Variants in LHX3 observed in about 807,000 individuals in gnomAD.
LHX3 encodes LIM homeobox 3, also known as LIM/homeobox protein Lhx3.
A neutral mutation model predicts 32.4 loss-of-function variants in LHX3; 21 were observed. That is an observed-to-expected ratio of 0.65 (90% confidence interval 0.46 to 0.93). The LOEUF is 0.93. Ranked by LOEUF, LHX3 falls within the 40% of genes least tolerant of loss-of-function variation. The pLI is 0.00. For synonymous variants in LHX3, 258 were observed against 246.8 expected, an observed-to-expected ratio of 1.05 and a Z score of -0.43; for missense variants, 626 against 560.0, an observed-to-expected ratio of 1.12 and a Z score of -1.19.
At chr9:136,204,806 C>T (rs552949856) in intron 1 of LHX3, 128 bp downstream of exon 1, 2 of 781,590 alleles carry the variant, frequency 2.6e-6, no homozygotes, top group South Asian at 3.0e-5. Context: ...TCTGCAGTTT[C>T]CATCTCTGTG....
rs1421335174 is a variant in LHX3 at position 136,204,763 on chromosome 9, C to T, written c.79+171G>A. On this transcript the variant is annotated intron_variant, in intron 1 of 5. Transcript: ENST00000371748. Reference sequence around the variant, plus strand: ...CACTCTTGCAGGCCAGCGTCAGGCCCTCCCCGCCACCCTGGGATCTGGAAA... The same window carrying T: ...CACTCTTGCAGGCCAGCGTCAGGCCTTCCCCGCCACCCTGGGATCTGGAAA... Among the ~76,000 whole-genome samples, 3 of 152,234 alleles carry T rather than the reference C, an allele frequency of 2.0e-5. No homozygotes were observed. In the East Asian group the frequency reaches 5.8e-4, roughly 29 times the overall value.
chr9:136,203,621 G>A (rs371688544), intron 1 of LHX3, among the ~76,000 whole-genome samples: 1 of 152,218 alleles, frequency 6.6e-6, no homozygotes, highest in Non-Finnish European at 1.5e-5. Flanking sequence ...GCAAGGTGCC[G>A]GACCGATCCC....
chr9:136,203,220 C>G (rs945613467), intron 1 of LHX3: 1 of 801,740 alleles, frequency 1.2e-6, no homozygotes, highest in Non-Finnish European at 1.5e-6. Flanking sequence ...GGCCGGGGGG[C>G]GGGGCCGCGG....
chr9:136,202,296 G>A (rs1050415397), intron 1 of LHX3, among the ~76,000 whole-genome samples: 3 of 152,124 alleles, frequency 2.0e-5, no homozygotes, highest in Non-Finnish European at 4.4e-5. Context: ...CACTGGCTCC[G>A]GGGCCTCCTT....
Position 136,197,515 on chromosome 9 carries a change from G to C in LHX3, c.1004C>G (p.Ser335Cys), listed in dbSNP as rs765127242. 18 of 1,540,130 alleles carry C rather than the reference G, an allele frequency of 1.2e-5. No individual in the cohort carries two copies. Among genetic ancestry groups the C allele is most frequent in the Non-Finnish European group, 1.6e-5 (18 of 1,140,368 alleles). The change falls in exon 6 of 6, where the codon TCC becomes TGC. Residue 335 changes from serine to cysteine, a missense_variant. Transcript: ENST00000371748. ...QSLPGPQPLL[S>C]SLVYPDTSLG... ...GCTGGTGTCTGGGTACACCAGGCTG[G>C]AGAGGAGGGGCTGGGGGCCAGGGAG...
Position 136,197,171 on chromosome 9 carries a change from G to T in LHX3, c.*154C>A. The T allele has an allele frequency of 1.3e-6, 1 of 799,060 alleles. No homozygotes were observed. Among genetic ancestry groups the T allele is most frequent in the Non-Finnish European group, 2.0e-6 (1 of 492,156 alleles). 49.5% of individuals were successfully genotyped at this position (799,060 alleles called of 1,614,324 possible). The stretch of plus-strand genomic sequence containing the variant: ...GGCCAGGTGGGTCCCTCAGCCCCCA[G>T]AGAGGGAGCTGTGCGGTCGGCAGTG... On this transcript the variant is annotated 3_prime_UTR_variant, in exon 6 of 6. Coordinates refer to ENST00000371748, the MANE Select transcript of LHX3 (RefSeq NM_178138.6).
intron 3 of LHX3, among the ~76,000 whole-genome samples, 178 bp downstream of exon 3, chr9:136,199,500 G>A (rs919133009): frequency 2.6e-5 from 4 of 152,272 alleles, no homozygotes; most frequent in African/African-American, 9.6e-5. Context: ...TTCGGGACGC[G>A]GGTCTGTCCG....
At position 136,198,791 on chromosome 9, in the gene LHX3, C is replaced by T. The variant is rs1831559546; in HGVS notation, c.636G>A (p.Glu212=). 6.2e-7 allele frequency: 1 copy of T among 1,610,024 alleles called. No individual in the cohort carries two copies. Among genetic ancestry groups the T allele is most frequent in the Non-Finnish European group, 8.5e-7 (1 of 1,179,298 alleles). ...GGCCGGCGTCCTTCTTCAGCCTCTT[C>T]TCCTTGGCCCGGCGGTTCTGGAACC... The part of the protein sequence containing the change: ...QVWFQNRRAK[E]KRLKKDAGRQ... The change falls in exon 5 of 6, where the codon GAG becomes GAA. Residue 212 remains glutamate, a synonymous_variant. Transcript: ENST00000371748.
rs539524956 is a variant in LHX3, at chr9:136,199,610, C to T, written c.454+68G>A. On this transcript the variant is annotated intron_variant, in intron 3 of 5. Coordinates refer to ENST00000371748, the MANE Select transcript of LHX3 (RefSeq NM_178138.6). ...GGGAGAGAATTTCCCCGGACGCCCC[C>T]CTGGGCGTGGCCTCAGCCCCATTTT... 3 of 1,538,296 alleles carry T rather than the reference C, an allele frequency of 2.0e-6. No individual in the cohort carries two copies. In the African/African-American group the frequency reaches 4.1e-5, roughly 21 times the overall value.
In LHX3 at chr9:136,196,966, A is replaced by C. The variant is rs982470768; in HGVS notation, c.*359T>G. 4 of 340,292 alleles carry C rather than the reference A, an allele frequency of 1.2e-5. No individual in the cohort carries two copies. The highest frequency in any genetic ancestry group is 2.2e-5 in the Non-Finnish European group (4 of 183,636). The allele number at this position is 340,292 out of a possible 1,614,324, so 21.1% of individuals were successfully genotyped here. A position where few individuals can be genotyped will look rare whatever the true frequency, so the allele number is the denominator to read the frequency against. On this transcript the variant is annotated 3_prime_UTR_variant, in exon 6 of 6. Coordinates refer to ENST00000371748, the MANE Select transcript of LHX3 (RefSeq NM_178138.6). ...ATGATTTCTCAGTTTTAGAGATGAA[A>C]GCGTTTTTCCAGCCCTCGGGCTATG...
intron 1 of LHX3, chr9:136,203,168 C>A (rs888870673): frequency 2.3e-5 from 30 of 1,280,330 alleles, no homozygotes; most frequent in Non-Finnish European, 2.8e-5. Context: ...GCCCGCGGGC[C>A]GCCCTGGGGC....
Position 136,197,242 on chromosome 9 carries a change from T to C in LHX3, c.*83A>G. ...CCCTCCCTTGACGCCCTGGCCCCACTTCCTCGGAAACCCCAGCAGCCCCGA... is the reference window on the plus strand; with the variant it reads ...CCCTCCCTTGACGCCCTGGCCCCACCTCCTCGGAAACCCCAGCAGCCCCGA... On this transcript the variant is annotated 3_prime_UTR_variant, in exon 6 of 6. Coordinates refer to ENST00000371748, the MANE Select transcript of LHX3 (RefSeq NM_178138.6). 1 of 1,471,976 alleles carries C rather than the reference T, an allele frequency of 6.8e-7. No individual in the cohort carries two copies. Among genetic ancestry groups the C allele is most frequent in the Non-Finnish European group, 9.4e-7 (1 of 1,064,918 alleles). 91.2% of individuals were successfully genotyped at this position (1,471,976 alleles called of 1,614,324 possible). A position where few individuals can be genotyped will look rare whatever the true frequency, so the allele number is the denominator to read the frequency against.
rs1831639796 is a variant in LHX3, at chr9:136,201,552, C to A, written c.80-799G>T. ...TTCCAGGTGTCAAGGGCTGAGGACTCCCTCTTCACTTAGAAAAAGTCTCTG... is the reference window on the plus strand; with the variant it reads ...TTCCAGGTGTCAAGGGCTGAGGACTACCTCTTCACTTAGAAAAAGTCTCTG... On this transcript the variant is annotated intron_variant, in intron 1 of 5. Coordinates refer to ENST00000371748, the MANE Select transcript of LHX3 (RefSeq NM_178138.6). 6.4e-6 allele frequency: 7 copies of A among 1,095,652 alleles called. No individual in the cohort carries two copies. The Admixed American group carries it at 3.1e-4, about 48-fold the overall frequency. The allele number at this position is 1,095,652 out of a possible 1,614,324, so 67.9% of individuals were successfully genotyped here. A position where few individuals can be genotyped will look rare whatever the true frequency, so the allele number is the denominator to read the frequency against.
intron 1 of LHX3, chr9:136,203,261 A>C (rs945962959): frequency 2.3e-6 from 1 of 442,058 alleles, no homozygotes; most frequent in African/African-American, 2.1e-5. Context: ...CGCGGAGACC[A>C]GCCCGGGCCA....
intron 5 of LHX3, 97 bp from the exon 6 acceptor site, chr9:136,197,840 G>A: frequency 7.6e-7 from 1 of 1,310,812 alleles, no homozygotes; most frequent in Non-Finnish European, 1.1e-6. Flanking sequence ...GTCGGAGAAA[G>A]AGTGGCTGCC....
rs375094960 is a variant in LHX3, at chr9:136,197,382, G to A, written c.1137C>T (p.Pro379=). The A allele has an allele frequency of 1.7e-5, 27 of 1,611,662 alleles. No individual in the cohort carries two copies. The highest frequency in any genetic ancestry group is 1.5e-4 in the African/African-American group (11 of 74,918). ...AGGAGGCGGGGCTGGCAGGGAAGTC[G>A]GGGTAACCCCCGCTGCTCCCCGTGG... is the stretch of plus-strand genomic sequence containing the variant. ...DLSTGSSGGY[P]DFPASPASWL... The change falls in exon 6 of 6, where the codon CCC becomes CCT. Residue 379 remains proline, a synonymous_variant. Coordinates refer to ENST00000371748, the MANE Select transcript of LHX3 (RefSeq NM_178138.6).
chr9:136,197,403 C>A lies in LHX3; in HGVS notation c.1116G>T (p.Thr372=). The change falls in exon 6 of 6, where the codon ACG becomes ACT. Residue 372 remains threonine, a synonymous_variant. Transcript: ENST00000371748. ...AGNGPSSDLS[T]GSSGGYPDFP... ...AGTCGGGGTAACCCCCGCTGCTCCCCGTGGATAGGTCAGAACTGGGTCCGT... is the reference window on the plus strand; with the variant it reads ...AGTCGGGGTAACCCCCGCTGCTCCCAGTGGATAGGTCAGAACTGGGTCCGT... 6.2e-7 allele frequency: 1 copy of A among 1,609,826 alleles called. No individual in the cohort carries two copies. The highest frequency in any genetic ancestry group is 1.7e-5 in the Admixed American group (1 of 59,764).
At chr9:136,201,973 A>G (rs1191777620) in intron 1 of LHX3, among the ~76,000 whole-genome samples, 1 of 151,832 alleles carries the variant, frequency 6.6e-6, no homozygotes, top group African/African-American at 2.4e-5. Flanking sequence ...GCGTCGGGCA[A>G]AAGCCGCCCC....
At chr9:136,202,774 C>T (rs931402692) in intron 1 of LHX3, among the ~76,000 whole-genome samples, 4 of 152,224 alleles carry the variant, frequency 2.6e-5, no homozygotes, top group African/African-American at 9.6e-5. Context: ...ACAACCCAGG[C>T]CAGGGGCCCT....
Sources: allele counts gnomAD v4.1 joint callset (sites outside exome capture counted in the v4.1 genomes callset), GRCh38; gene constraint gnomAD v4.1.1; transcripts MANE v1.5; gene names NCBI Gene and HGNC (gene_info 2026-07-23, HGNC 2026-07-21).